The following GLUD1 variants were observed in gnomAD, a reference collection of about 807,000 sequenced individuals.
The protein encoded by GLUD1 is glutamate dehydrogenase 1.
In GLUD1, 22 loss-of-function variants were observed where a neutral mutation model predicts 56.0. That is an observed-to-expected ratio of 0.39 (90% confidence interval 0.28 to 0.56). GLUD1 has a LOEUF of 0.56. Among genes scored for constraint, GLUD1 ranks in the 20% least tolerant of loss-of-function variants. The pLI is 0.58. For missense variants in GLUD1, 451 were observed against 732.0 expected (o/e 0.62, Z 4.43); for synonymous variants, 223 against 269.9 (o/e 0.83, Z 1.70).
intron 6 of GLUD1, 47 bp downstream of exon 6, chr10:87,062,609 T>C (rs371382614): frequency 1.5e-6 from 2 of 1,311,630 alleles, no homozygotes; most frequent in Non-Finnish European, 2.2e-6. Context: ...AAACTTTACT[T>C]AATGTCTATC....
intron 1 of GLUD1, among the ~76,000 whole-genome samples, chr10:87,079,698 T>C (rs1841153778): frequency 6.6e-6 from 1 of 152,106 alleles, no homozygotes; most frequent in Non-Finnish European, 1.5e-5. Flanking sequence ...GCCCTGCAAG[T>C]GGTCAAACAG....
At chr10:87,078,965 C>G (rs941402782) in intron 1 of GLUD1, among the ~76,000 whole-genome samples, 3 of 151,982 alleles carry the variant, frequency 2.0e-5, no homozygotes, top group Admixed American at 6.6e-5. Context: ...ATAGTGAGAC[C>G]TCATTTCTAC....
At chr10:87,057,012 A>C (rs541543070) in intron 11 of GLUD1, among the ~76,000 whole-genome samples, 1 of 151,998 alleles carries the variant, frequency 6.6e-6, no homozygotes, top group South Asian at 2.1e-4. Flanking sequence ...GGCGGCGGGA[A>C]CGGAGTATCT....
chr10:87,086,044 G>A (rs1360539962), intron 1 of GLUD1, among the ~76,000 whole-genome samples: 1 of 152,164 alleles, frequency 6.6e-6, no homozygotes, highest in Non-Finnish European at 1.5e-5. Flanking sequence ...TGAAACCTCA[G>A]CTATCCAGTT....
At chr10:87,068,040 C>G in intron 5 of GLUD1, 23 bp downstream of exon 5, 1 of 1,394,938 alleles carries the variant, frequency 7.2e-7, no homozygotes, top group African/African-American at 1.4e-5. Context: ...GCAGAAGCCT[C>G]GGGGCTTCCA....
At chr10:87,070,859 G>A (rs926351668) in intron 4 of GLUD1, among the ~76,000 whole-genome samples, 3 of 151,918 alleles carry the variant, frequency 2.0e-5, no homozygotes, top group African/African-American at 4.8e-5. Flanking sequence ...GGCCGGGTGC[G>A]GTGCTCATGC....
chr10:87,072,536 T>C (rs1401785043), intron 4 of GLUD1, among the ~76,000 whole-genome samples: 2 of 152,202 alleles, frequency 1.3e-5, no homozygotes, highest in Non-Finnish European at 2.9e-5. Context: ...GCCTACCTCC[T>C]AGGCTTCAAA....
rs1171115092 is a variant in GLUD1, at chr10:87,050,638, C to T, written c.*1113G>A. Reference sequence around the variant, plus strand: ...TATTATCTAGCACTTCATGGGGACACTACTGTTCAAAAGGCCCTGGCCAAA... The same window carrying T: ...TATTATCTAGCACTTCATGGGGACATTACTGTTCAAAAGGCCCTGGCCAAA... On this transcript the variant is annotated 3_prime_UTR_variant, in exon 13 of 13. Transcript: ENST00000277865. 2.6e-5 allele frequency: 4 copies of T among 151,650 alleles called. No homozygotes were observed. Among genetic ancestry groups the T allele is most frequent in the African/African-American group, 9.7e-5 (4 of 41,272 alleles). The allele number at this position is 151,650 out of a possible 1,614,324, so 9.4% of individuals were successfully genotyped here.
At position 87,062,716 on chromosome 10, in the gene GLUD1, A is replaced by C. The variant is rs746214467; in HGVS notation, c.861T>G (p.Ala287=). The C allele has an allele frequency of 2.5e-6, 4 of 1,614,036 alleles. No homozygotes were observed. The highest frequency in any genetic ancestry group is 1.3e-5 in the African/African-American group (1 of 74,932). Residue 287 remains alanine, a synonymous_variant, in exon 6 of 13, where the codon GCT becomes GCG. Coordinates refer to ENST00000277865, the MANE Select transcript of GLUD1 (RefSeq NM_005271.5). The stretch of plus-strand genomic sequence containing the variant: ...TCATTCCTAAAATGCTCATGTAAGA[A>C]GCTTCATTGATGAAATTTTCAATCC... ...FHGIENFINE[A]SYMSILGMTP... is the part of the protein sequence containing the mutation.
chr10:87,078,412 A>G (rs1469324015), intron 1 of GLUD1, among the ~76,000 whole-genome samples: 1 of 152,116 alleles, frequency 6.6e-6, no homozygotes, highest in Non-Finnish European at 1.5e-5. Context: ...TGCCTCTCCT[A>G]CCTTGTTTCT....
chr10:87,076,946 T>A (rs1370029418), intron 1 of GLUD1, among the ~76,000 whole-genome samples: 1 of 152,102 alleles, frequency 6.6e-6, no homozygotes. Context: ...GGCTTTTTTA[T>A]GTTCCTTTTA....
Position 87,057,476 on chromosome 10 carries a change from A to G in GLUD1, c.1494+215T>C, listed in dbSNP as rs546653532. 2.0e-5 allele frequency among the ~76,000 whole-genome samples: 3 copies of G among 152,286 alleles called. No homozygotes were observed. The East Asian group carries it at 5.8e-4, about 29-fold the overall frequency. ...TAAAACACGTGCGTGAAAAATACCA[A>G]ATTTATTTATTTTATATTTGTTAGT... is the stretch of plus-strand genomic sequence containing the variant. On this transcript the variant is annotated intron_variant, in intron 11 of 12. Coordinates refer to ENST00000277865, the MANE Select transcript of GLUD1 (RefSeq NM_005271.5).
chr10:87,051,137 G>GT lies in GLUD1; in HGVS notation c.*613dup, dbSNP rs1783191942. 2 of 168,682 alleles carry GT rather than the reference G, an allele frequency of 1.2e-5. No homozygotes were observed. The highest frequency in any genetic ancestry group is 4.8e-5 in the African/African-American group (2 of 41,418). 10.4% of individuals were successfully genotyped at this position (168,682 alleles called of 1,614,324 possible). A position where few individuals can be genotyped will look rare whatever the true frequency, so the allele number is the denominator to read the frequency against. On this transcript the variant is annotated 3_prime_UTR_variant, in exon 13 of 13. Coordinates refer to ENST00000277865, the MANE Select transcript of GLUD1 (RefSeq NM_005271.5). ...TTTATTATTTCTATAGGCATTCACT[G>GT]TTTGAGTCAAGGTTAGGCTTGTTAA...
chr10:87,076,542 T>G, intron 2 of GLUD1, 34 bp downstream of exon 2: 1 of 1,207,166 alleles, frequency 8.3e-7, no homozygotes, highest in South Asian at 1.2e-5. Context: ...TTCCCCAGAG[T>G]TCTCATTAGG....
intron 11 of GLUD1, among the ~76,000 whole-genome samples, chr10:87,056,115 CAA>C (rs201114912): frequency 3.3e-4 from 21 of 62,764 alleles, no homozygotes; most frequent in African/African-American, 9.4e-4. Context: ...GACTCTGTCT[CAA>C]AAAAAAAAAA....
At chr10:87,062,881 C>T (rs766986279) in intron 5 of GLUD1, 46 bp from the exon 6 acceptor site, 2 of 1,555,172 alleles carry the variant, frequency 1.3e-6, no homozygotes, top group Admixed American at 3.4e-5. Flanking sequence ...AGTCCAATTT[C>T]TCTGTTGAAG....
chr10:87,081,008 G>A (rs1163572797), intron 1 of GLUD1, among the ~76,000 whole-genome samples: 6 of 129,326 alleles, frequency 4.6e-5, no homozygotes, highest in Admixed American at 7.7e-5. Context: ...CGCCCCGTCC[G>A]GGAGGGAGGT....
chr10:87,072,989 C>T (rs9421579), intron 4 of GLUD1, among the ~76,000 whole-genome samples: 14,266 of 152,202 alleles, frequency 0.094, 1,507 homozygotes, highest in East Asian at 0.59. Flanking sequence ...GCTGGGTATG[C>T]GGCACATCAA....
At position 87,057,233 on chromosome 10, in the gene GLUD1, C is replaced by T. The variant is rs191125183; in HGVS notation, c.1494+458G>A. On this transcript the variant is annotated intron_variant, in intron 11 of 12. Coordinates refer to ENST00000277865, the MANE Select transcript of GLUD1 (RefSeq NM_005271.5). ...CGATGACTTGACTTCGTGATCCACC[C>T]GCCTTGACCTCCCAAAGTGCTGGGA... is the stretch of plus-strand genomic sequence containing the variant. Among the ~76,000 whole-genome samples the T allele has an allele frequency of 8.5e-3, 1,288 of 152,048 alleles. 7 individuals carry two copies. The highest frequency in any genetic ancestry group is 0.02 in the Middle Eastern group (6 of 294).
Sources: gnomAD v4.1 joint callset for allele counts (sites outside exome capture counted in the v4.1 genomes callset) on GRCh38, gnomAD v4.1.1 for gene constraint, MANE v1.5 for transcripts, NCBI Gene and HGNC (gene_info 2026-07-23, HGNC 2026-07-21) for gene names.